FHIT: variants seen among roughly 807,000 people sequenced by gnomAD.
The protein encoded by FHIT is bis(5'-adenosyl)-triphosphatase.
In FHIT, 19 loss-of-function variants were observed where a neutral mutation model predicts 17.9. The ratio of observed to expected loss-of-function variants is 1.06; its 90% confidence interval spans 0.74 to 1.56. FHIT has a LOEUF of 1.56. FHIT is among the 40% of genes most tolerant of loss of function. The pLI, the probability that FHIT is intolerant of heterozygous loss-of-function variation, is 0.00. For missense variants in FHIT, 248 were observed against 189.2 expected, an observed-to-expected ratio of 1.31 and a Z score of -1.82; for synonymous variants, 81 against 69.7, an observed-to-expected ratio of 1.16 and a Z score of -0.81.
intron 5 of FHIT, among the ~76,000 whole-genome samples, chr3:60,021,713 C>G (rs369921659): frequency 1.3e-5 from 2 of 152,286 alleles, no homozygotes; most frequent in East Asian, 3.9e-4. Context: ...ACCAAGGTCA[C>G]GTAGCTATTA....
intron 8 of FHIT, among the ~76,000 whole-genome samples, chr3:59,858,290 G>T (rs981127009): frequency 3.1e-5 from 4 of 129,274 alleles, no homozygotes; most frequent in Non-Finnish European, 6.2e-5. Flanking sequence ...GCAGTGGAGC[G>T]ATCTCGGCTC....
At chr3:61,101,235 G>C (rs992343821) in intron 2 of FHIT, among the ~76,000 whole-genome samples, 1 of 152,114 alleles carries the variant, frequency 6.6e-6, no homozygotes, top group Non-Finnish European at 1.5e-5. Flanking sequence ...ATTAATTTTT[G>C]TATAAGGTGT....
At chr3:59,985,630 C>T (rs573061236) in intron 7 of FHIT, among the ~76,000 whole-genome samples, 7 of 152,192 alleles carry the variant, frequency 4.6e-5, no homozygotes, top group South Asian at 4.2e-4. Flanking sequence ...AGTCCAGCTC[C>T]GCTTAGCTGT....
chr3:60,483,091 A>C (rs1358887174), intron 5 of FHIT, among the ~76,000 whole-genome samples: 1 of 152,168 alleles, frequency 6.6e-6, no homozygotes, highest in Admixed American at 6.5e-5. Context: ...GAAATGGATA[A>C]ATTCTGGGAC....
chr3:61,167,586 A>T (rs1047284811), intron 2 of FHIT, among the ~76,000 whole-genome samples: 1 of 146,094 alleles, frequency 6.8e-6, no homozygotes, highest in Admixed American at 7.0e-5. Context: ...CTGAGACTGC[A>T]CCACTGCACT....
chr3:60,214,755 G>T (rs561708721), intron 5 of FHIT, among the ~76,000 whole-genome samples: 1 of 152,088 alleles, frequency 6.6e-6, no homozygotes, highest in South Asian at 2.1e-4. Context: ...CAAAGACACG[G>T]AATCAACCAA....
intron 5 of FHIT, among the ~76,000 whole-genome samples, chr3:60,052,451 G>A (rs1163162172): frequency 6.6e-6 from 1 of 152,070 alleles, no homozygotes; most frequent in Admixed American, 6.6e-5. Flanking sequence ...TTAGTTGACT[G>A]CTCTTTGGTC....
chr3:61,009,507 A>T (rs931253510), intron 3 of FHIT, among the ~76,000 whole-genome samples: 5 of 152,202 alleles, frequency 3.3e-5, no homozygotes, highest in Non-Finnish European at 4.4e-5. Context: ...CTGTAAAATC[A>T]TATTCCTATA....
In FHIT at chr3:60,356,753, C is replaced by CAAAAA. The variant is rs57588436; in HGVS notation, c.103+180102_103+180106dup. The stretch of plus-strand genomic sequence containing the variant: ...CTATTATATAGCAGGAAGACAGAGA[C>CAAAAA]AAAAAAAAAAAAAAAAAAAAAAAAA... On this transcript the variant is annotated intron_variant, in intron 5 of 9. Transcript: ENST00000492590. Among the ~76,000 whole-genome samples, 27 of 58,672 alleles carry CAAAAA rather than the reference C, an allele frequency of 4.6e-4. 3 individuals carry two copies. Among genetic ancestry groups the CAAAAA allele is most frequent in the African/African-American group, 1.0e-3 (13 of 12,428 alleles). The allele number at this position is 58,672 out of a possible 152,430, so 38.5% of individuals were successfully genotyped here. A position where few individuals can be genotyped will look rare whatever the true frequency, so the allele number is the denominator to read the frequency against.
At chr3:61,184,876 A>G (rs2038457150) in intron 2 of FHIT, among the ~76,000 whole-genome samples, 1 of 152,222 alleles carries the variant, frequency 6.6e-6, no homozygotes, top group Admixed American at 6.5e-5. Flanking sequence ...AAAGGCAGTT[A>G]GACACATTCA....
At chr3:61,174,969 A>G (rs1223294600) in intron 2 of FHIT, among the ~76,000 whole-genome samples, 8 of 152,234 alleles carry the variant, frequency 5.3e-5, no homozygotes, top group Admixed American at 5.2e-4. Flanking sequence ...AGGAAACCAC[A>G]AAGCACATCT....
intron 5 of FHIT, among the ~76,000 whole-genome samples, chr3:60,396,773 A>G (rs1701457768): frequency 6.6e-6 from 1 of 152,208 alleles, no homozygotes; most frequent in African/African-American, 2.4e-5. Flanking sequence ...TTCACTTAAA[A>G]TGATTAATTT....
chr3:59,865,676 C>T (rs1256508823), intron 8 of FHIT, among the ~76,000 whole-genome samples: 2 of 152,182 alleles, frequency 1.3e-5, no homozygotes, highest in African/African-American at 2.4e-5. Context: ...CTTTATGGCT[C>T]CTCTGCAAAG....
Position 60,860,757 on chromosome 3 carries a change from A to C in FHIT, c.-110-38746T>G, listed in dbSNP as rs1288510055. ...ACATATGTTCATATATATCAGGTAT[A>C]TATGATACATATGTATCATATATCA... On this transcript the variant is annotated intron_variant, in intron 3 of 9. Coordinates refer to ENST00000492590, the MANE Select transcript of FHIT (RefSeq NM_002012.4). 2.1e-3 allele frequency among the ~76,000 whole-genome samples: 9 copies of C among 4,312 alleles called. No individual in the cohort carries two copies. In the Non-Finnish European group the frequency reaches 0.06, roughly 29 times the overall value. 2.8% of individuals were successfully genotyped at this position (4,312 alleles called of 152,430 possible). A position where few individuals can be genotyped will look rare whatever the true frequency, so the allele number is the denominator to read the frequency against.
intron 2 of FHIT, among the ~76,000 whole-genome samples, chr3:61,043,839 C>T (rs1193847935): frequency 6.6e-6 from 1 of 152,190 alleles, no homozygotes; most frequent in Non-Finnish European, 1.5e-5. Flanking sequence ...TGTTCTGCAG[C>T]CTCCACAGGT....
intron 8 of FHIT, among the ~76,000 whole-genome samples, chr3:59,753,643 A>G (rs1429267797): frequency 6.6e-6 from 1 of 152,072 alleles, no homozygotes; most frequent in African/African-American, 2.4e-5. Flanking sequence ...AGACAATTTA[A>G]TAGCACCAAT....
intron 5 of FHIT, among the ~76,000 whole-genome samples, chr3:60,031,550 T>C (rs1356695844): frequency 6.6e-6 from 1 of 152,160 alleles, no homozygotes; most frequent in East Asian, 1.9e-4. Context: ...CTCTTATCAG[T>C]AACCTCACCT....
intron 7 of FHIT, among the ~76,000 whole-genome samples, chr3:59,967,587 C>T (rs1353897311): frequency 2.6e-5 from 4 of 152,094 alleles, no homozygotes; most frequent in African/African-American, 9.7e-5. Context: ...ACCTTACAAG[C>T]TTGATAAAAG....
chr3:60,465,167 T>G (rs926841297), intron 5 of FHIT, among the ~76,000 whole-genome samples: 2 of 152,166 alleles, frequency 1.3e-5, no homozygotes, highest in African/African-American at 2.4e-5. Flanking sequence ...ATTTGTATGT[T>G]TCTTTTGAGA....
Sources: gnomAD v4.1 joint callset for allele counts (sites outside exome capture counted in the v4.1 genomes callset) on GRCh38, gnomAD v4.1.1 for gene constraint, MANE v1.5 for transcripts, NCBI Gene and HGNC (gene_info 2026-07-23, HGNC 2026-07-21) for gene names.